Variants in KCNB2 observed in about 807,000 individuals in gnomAD.
KCNB2 encodes the protein potassium voltage-gated channel subfamily B member 2.
A neutral mutation model predicts 61.5 loss-of-function variants in KCNB2; 15 were observed. That is an observed-to-expected ratio of 0.24 (90% confidence interval 0.16 to 0.38). The LOEUF (loss-of-function observed/expected upper bound fraction) is 0.38, where lower values mean the gene tolerates loss of function less well. Among genes scored for constraint, KCNB2 ranks in the 10% least tolerant of loss-of-function variants. The pLI is 1.00. For missense variants in KCNB2, 828 were observed against 1,125.2 expected (o/e 0.74, Z 3.78); for synonymous variants, 457 against 446.0 (o/e 1.02, Z -0.31).
intron 2 of KCNB2, among the ~76,000 whole-genome samples, chr8:72,711,985 C>T (rs923506236): frequency 7.9e-5 from 12 of 152,180 alleles, no homozygotes; most frequent in Non-Finnish European, 1.8e-4. Context: ...TAGCAAGACT[C>T]CATCTCAAGA....
chr8:72,738,210 G>A lies in KCNB2; in HGVS notation c.579+169897G>A, dbSNP rs569634362. Among the ~76,000 whole-genome samples the A allele has an allele frequency of 5.3e-5, 8 of 152,146 alleles. No individual in the cohort carries two copies. In the East Asian group the frequency reaches 1.4e-3, roughly 26 times the overall value. On this transcript the variant is annotated intron_variant, in intron 2 of 2. Transcript: ENST00000523207. ...CATAATGTCCACCAACTTCTCAGAG[G>A]CTCCATGACACCTCAAGAAAGGTTA...
intron 2 of KCNB2, among the ~76,000 whole-genome samples, chr8:72,846,059 C>A (rs942139977): frequency 1.1e-4 from 17 of 152,136 alleles, no homozygotes; most frequent in Admixed American, 1.1e-3. Flanking sequence ...TGCTTGAAAC[C>A]CAGGACCTTG....
chr8:72,934,465 G>T (rs1168748954), intron 2 of KCNB2, among the ~76,000 whole-genome samples: 1 of 148,720 alleles, frequency 6.7e-6, no homozygotes, highest in Non-Finnish European at 1.5e-5. Flanking sequence ...GAATAACCCA[G>T]AAGTGGAGAA....
intron 1 of KCNB2, among the ~76,000 whole-genome samples, chr8:72,549,421 C>T (rs1360315923): frequency 2.6e-5 from 4 of 152,132 alleles, no homozygotes; most frequent in Non-Finnish European, 5.9e-5. Flanking sequence ...AGAAAAGGCA[C>T]GACCAGTTCT....
chr8:72,780,044 A>G (rs895283504), intron 2 of KCNB2, among the ~76,000 whole-genome samples: 1 of 152,176 alleles, frequency 6.6e-6, no homozygotes, highest in Admixed American at 6.5e-5. Context: ...CTGCCTTTTC[A>G]CTATAAATCA....
At chr8:72,730,458 T>C (rs1807722448) in intron 2 of KCNB2, among the ~76,000 whole-genome samples, 1 of 152,230 alleles carries the variant, frequency 6.6e-6, no homozygotes, top group Admixed American at 6.5e-5. Flanking sequence ...ATTGATTAAT[T>C]ATACCTGTTG....
chr8:72,768,967 C>A (rs2128997027), intron 2 of KCNB2, among the ~76,000 whole-genome samples: 1 of 152,110 alleles, frequency 6.6e-6, no homozygotes, highest in African/African-American at 2.4e-5. Flanking sequence ...TCAAGACCAG[C>A]CTGACCAACA....
chr8:72,620,032 T>G (rs1805691802), intron 2 of KCNB2, among the ~76,000 whole-genome samples: 1 of 152,268 alleles, frequency 6.6e-6, no homozygotes, highest in Admixed American at 6.5e-5. Flanking sequence ...TTATAAATTC[T>G]TATACTGATT....
At chr8:72,847,135 G>A (rs571791839) in intron 2 of KCNB2, among the ~76,000 whole-genome samples, 33 of 152,230 alleles carry the variant, frequency 2.2e-4, no homozygotes, top group South Asian at 8.3e-4. Context: ...CCTGCAGACC[G>A]GAGCTGTTCC....
chr8:72,840,964 A>G (rs1408821466), intron 2 of KCNB2, among the ~76,000 whole-genome samples: 1 of 152,204 alleles, frequency 6.6e-6, no homozygotes, highest in East Asian at 1.9e-4. Flanking sequence ...TGTGTTAGTC[A>G]TGAAATCTTT....
intron 2 of KCNB2, among the ~76,000 whole-genome samples, chr8:72,923,499 G>A (rs1806567377): frequency 6.6e-6 from 1 of 152,118 alleles, no homozygotes. Context: ...TTATATGCTG[G>A]TCAGCTGTCC....
At chr8:72,691,545 G>A (rs1459147998) in intron 2 of KCNB2, among the ~76,000 whole-genome samples, 1 of 152,110 alleles carries the variant, frequency 6.6e-6, no homozygotes, top group Admixed American at 6.5e-5. Context: ...AACATCTGCA[G>A]GTGCCACATG....
intron 2 of KCNB2, among the ~76,000 whole-genome samples, chr8:72,592,715 A>G (rs1394207724): frequency 6.6e-6 from 1 of 152,140 alleles, no homozygotes; most frequent in Non-Finnish European, 1.5e-5. Context: ...ATCTGCCTTC[A>G]GCCAGGCTTT....
In KCNB2 at chr8:72,938,025, T is replaced by G. The variant is rs958345534; in HGVS notation, c.2670T>G (p.Phe890Leu). ...GGTGCAAGATGGAAAATCACTTGTT[T>G]GCCCCAGAAATTCATTCCAACCCAG... is the stretch of plus-strand genomic sequence containing the variant. ...QEGCKMENHL[F>L]APEIHSNPGD... Residue 890 changes from phenylalanine (F) to leucine (L), a missense_variant, in exon 3 of 3, where the codon TTT becomes TTG. Physicochemically the swap from Phe to Leu is conservative, Grantham distance 22 (BLOSUM62 0). Transcript: ENST00000523207. 1.2e-6 allele frequency: 2 copies of G among 1,614,054 alleles called. No homozygotes were observed. Among genetic ancestry groups the G allele is most frequent in the African/African-American group, 2.7e-5 (2 of 74,930 alleles).
intron 2 of KCNB2, among the ~76,000 whole-genome samples, chr8:72,621,650 G>A (rs1244209100): frequency 1.3e-5 from 2 of 152,076 alleles, no homozygotes; most frequent in African/African-American, 2.4e-5. Flanking sequence ...CATGGAGAAT[G>A]GGCTATCCAT....
At chr8:72,794,958 A>C (rs890550769) in intron 2 of KCNB2, among the ~76,000 whole-genome samples, 7 of 152,350 alleles carry the variant, frequency 4.6e-5, no homozygotes, top group African/African-American at 1.7e-4. Flanking sequence ...TTGTGTCTCC[A>C]TTTTAGGGTT....
chr8:72,928,191 CT>C (rs879676235), intron 2 of KCNB2, among the ~76,000 whole-genome samples: 16,063 of 134,588 alleles, frequency 0.12, 1,146 homozygotes, highest in African/African-American at 0.26. Context: ...CACTTTCTTT[CT>C]TTTTTTTTTT....
intron 2 of KCNB2, among the ~76,000 whole-genome samples, chr8:72,833,259 T>A (rs1437689908): frequency 2.0e-5 from 3 of 152,068 alleles, no homozygotes; most frequent in Non-Finnish European, 4.4e-5. Context: ...GGAACTTTGA[T>A]CAGCATGAAG....
At chr8:72,626,568 T>C (rs1370334312) in intron 2 of KCNB2, among the ~76,000 whole-genome samples, 6 of 152,256 alleles carry the variant, frequency 3.9e-5, no homozygotes, top group Admixed American at 2.6e-4. Flanking sequence ...TAGTTCTGTC[T>C]AGACATTGTG....
Sources: gnomAD v4.1 joint callset for allele counts (sites outside exome capture counted in the v4.1 genomes callset) on GRCh38, gnomAD v4.1.1 for gene constraint, MANE v1.5 for transcripts, NCBI Gene and HGNC (gene_info 2026-07-23, HGNC 2026-07-21) for gene names.